The following SORCS1 variants were observed in gnomAD, a reference collection of about 807,000 sequenced individuals.
The protein encoded by SORCS1 is VPS10 domain-containing receptor SorCS1.
SORCS1 carries 60 observed loss-of-function variants against 146.1 expected under a neutral mutation model. The ratio of observed to expected loss-of-function variants is 0.41; its 90% CI spans 0.33 to 0.51. The LOEUF (loss-of-function observed/expected upper bound fraction) is 0.51, where lower values mean the gene tolerates loss of function less well. Among genes scored for constraint, SORCS1 ranks in the 20% least tolerant of loss-of-function variants. SORCS1 has a pLI of 0.21. For missense variants in SORCS1, 1,352 were observed against 1,487.6 expected (o/e 0.91, Z 1.50); for synonymous variants, 637 against 584.0 (o/e 1.09, Z -1.31).
At chr10:107,007,164 A>C (rs1317090746) in intron 1 of SORCS1, among the ~76,000 whole-genome samples, 2 of 152,210 alleles carry the variant, frequency 1.3e-5, no homozygotes, top group Non-Finnish European at 2.9e-5. Flanking sequence ...TGACTATGAA[A>C]GTGGTAACTG....
At chr10:106,871,547 A>G (rs1010342757) in intron 2 of SORCS1, among the ~76,000 whole-genome samples, 5 of 152,264 alleles carry the variant, frequency 3.3e-5, no homozygotes, top group Admixed American at 3.3e-4. Context: ...TACACCATTA[A>G]ATGCTATACA....
intron 10 of SORCS1, among the ~76,000 whole-genome samples, chr10:106,682,466 A>G (rs971329594): frequency 6.6e-6 from 1 of 152,262 alleles, no homozygotes; most frequent in African/African-American, 2.4e-5. Context: ...AGGAAAAAAC[A>G]GTGTGAAGTG....
intron 3 of SORCS1, among the ~76,000 whole-genome samples, chr10:106,803,057 T>C (rs1371064560): frequency 6.6e-6 from 1 of 152,198 alleles, no homozygotes; most frequent in Admixed American, 6.5e-5. Context: ...CTGGGCTACT[T>C]CTCTTTCACT....
At chr10:106,749,600 AT>A in intron 5 of SORCS1, among the ~76,000 whole-genome samples, 1 of 152,300 alleles carries the variant, frequency 6.6e-6, no homozygotes, top group East Asian at 1.9e-4. Context: ...CCTTCAGCTG[AT>A]TTTCTATCCA....
At chr10:107,048,482 G>A (rs1014006682) in intron 1 of SORCS1, among the ~76,000 whole-genome samples, 1 of 152,178 alleles carries the variant, frequency 6.6e-6, no homozygotes, top group Non-Finnish European at 1.5e-5. Flanking sequence ...CAAAGTAGGA[G>A]GGCATTGTTT....
intron 2 of SORCS1, among the ~76,000 whole-genome samples, chr10:106,955,961 C>T (rs1325801138): frequency 6.6e-6 from 1 of 152,014 alleles, no homozygotes; most frequent in African/African-American, 2.4e-5. Context: ...AACCCCATCT[C>T]TATCAAAAAT....
chr10:107,104,398 C>T (rs1424364066), intron 1 of SORCS1, among the ~76,000 whole-genome samples: 1 of 152,194 alleles, frequency 6.6e-6, no homozygotes, highest in Non-Finnish European at 1.5e-5. Context: ...CTTGAAAGGT[C>T]TGGCTTTCGT....
chr10:106,609,849 C>A (rs1047224362), intron 22 of SORCS1, among the ~76,000 whole-genome samples: 2 of 152,166 alleles, frequency 1.3e-5, no homozygotes, highest in East Asian at 1.9e-4. Flanking sequence ...CTGGACATTG[C>A]TGAGCTAGTG....
chr10:106,859,090 C>A (rs72827209), intron 2 of SORCS1, among the ~76,000 whole-genome samples: 17,487 of 152,266 alleles, frequency 0.11, 1,373 homozygotes, highest in Non-Finnish European at 0.17. Context: ...CACTGCTAAG[C>A]AGACAAGCTG....
chr10:106,882,254 A>G (rs532942814), intron 2 of SORCS1, among the ~76,000 whole-genome samples: 2 of 151,848 alleles, frequency 1.3e-5, no homozygotes, highest in Admixed American at 6.5e-5. Flanking sequence ...ATACACTAAC[A>G]TTAATGATAG....
At chr10:106,997,448 A>G (rs1589885571) in intron 1 of SORCS1, among the ~76,000 whole-genome samples, 1 of 152,172 alleles carries the variant, frequency 6.6e-6, no homozygotes, top group African/African-American at 2.4e-5. Flanking sequence ...ACTATACTAA[A>G]TTACTTATGC....
intron 2 of SORCS1, among the ~76,000 whole-genome samples, chr10:106,843,693 C>CA (rs1949169089): frequency 6.6e-6 from 1 of 152,116 alleles, no homozygotes; most frequent in Non-Finnish European, 1.5e-5. Context: ...CCTTGGCCCC[C>CA]CAAAGTGCTG....
intron 18 of SORCS1, among the ~76,000 whole-genome samples, chr10:106,636,404 C>A (rs1027990988): frequency 1.3e-5 from 2 of 152,150 alleles, no homozygotes; most frequent in African/African-American, 4.8e-5. Context: ...CTTATTTAAA[C>A]TTTGTATCAG....
chr10:107,131,050 T>C (rs1461277281), intron 1 of SORCS1, among the ~76,000 whole-genome samples: 2 of 152,242 alleles, frequency 1.3e-5, no homozygotes, highest in African/African-American at 4.8e-5. Context: ...AGGCTAGAAT[T>C]TGAACTCACT....
At chr10:107,009,115 A>C (rs1414434013) in intron 1 of SORCS1, among the ~76,000 whole-genome samples, 1 of 152,248 alleles carries the variant, frequency 6.6e-6, no homozygotes, top group African/African-American at 2.4e-5. Flanking sequence ...TTCCACGTCG[A>C]TGCAAAAAAA....
intron 6 of SORCS1, among the ~76,000 whole-genome samples, chr10:106,714,245 A>G (rs927122212): frequency 6.6e-6 from 1 of 151,824 alleles, no homozygotes; most frequent in African/African-American, 2.4e-5. Flanking sequence ...TTCAACAACA[A>G]AGATATTTAT....
intron 1 of SORCS1, among the ~76,000 whole-genome samples, chr10:107,136,038 C>T (rs1967269178): frequency 6.6e-6 from 1 of 151,890 alleles, no homozygotes; most frequent in African/African-American, 2.4e-5. Flanking sequence ...AATAAATAAC[C>T]TCTGGTTTTT....
Position 106,577,509 on chromosome 10 carries a change from C to A in SORCS1, c.3418G>T (p.Asp1140Tyr), listed in dbSNP as rs773379815. The change falls in exon 26 of 26, where the codon GAC becomes TAC. Residue 1140 changes from aspartate to tyrosine, a missense_variant. This residue lies in a region of SORCS1 where 214 missense variants were observed against 204.8 expected (regional missense o/e 1.05). Transcript: ENST00000263054. ...SPPSPSTQPGDSSLRLQRARH... is the reference protein window; with the variant it reads ...SPPSPSTQPGYSSLRLQRARH... ...GCTCTTTGCAATCGGAGAGATGAGT[C>A]ACCAGGTTGAGTAGAAGGGGAGGGA... 5 of 1,600,976 alleles carry A rather than the reference C, an allele frequency of 3.1e-6. No homozygotes were observed. In the South Asian group the frequency reaches 5.5e-5, roughly 18 times the overall value.
chr10:106,955,864 A>G (rs1395170107), intron 2 of SORCS1, among the ~76,000 whole-genome samples: 1 of 152,136 alleles, frequency 6.6e-6, no homozygotes, highest in Non-Finnish European at 1.5e-5. Flanking sequence ...GTGGTGGCGC[A>G]TGCCTGTAAT....
Sources: gnomAD v4.1 joint callset for allele counts (sites outside exome capture counted in the v4.1 genomes callset) on GRCh38, gnomAD v4.1.1 for gene constraint, gnomAD v4.1.1 regional missense constraint, MANE v1.5 for transcripts, NCBI Gene and HGNC (gene_info 2026-07-23, HGNC 2026-07-21) for gene names.